The following AFG1L variants were observed in gnomAD, a reference collection of about 807,000 sequenced individuals.
AFG1L encodes the protein AFG1-like ATPase.
A neutral mutation model predicts 62.2 loss-of-function variants in AFG1L; 53 were observed. That is an observed-to-expected ratio of 0.85 (90% CI 0.68 to 1.07). The LOEUF (loss-of-function observed/expected upper bound fraction) is 1.07. Among genes scored for constraint, AFG1L ranks in the 50% least tolerant of loss-of-function variants. AFG1L has a pLI of 0.00. For synonymous variants in AFG1L, 228 were observed against 210.3 expected, an observed-to-expected ratio of 1.08 and a Z score of -0.73; for missense variants, 555 against 590.5, an observed-to-expected ratio of 0.94 and a Z score of 0.62.
chr6:108,398,182 T>C (rs1249087203), intron 6 of AFG1L, among the ~76,000 whole-genome samples: 1 of 152,224 alleles, frequency 6.6e-6, no homozygotes, highest in African/African-American at 2.4e-5. Context: ...GTAGTTTTGA[T>C]TTGCATTTCT....
intron 6 of AFG1L, among the ~76,000 whole-genome samples, chr6:108,375,290 T>G (rs1314048153): frequency 6.6e-6 from 1 of 152,300 alleles, no homozygotes; most frequent in Middle Eastern, 3.4e-3. Context: ...ATAGTTTGAT[T>G]TCTCCTTTTC....
chr6:108,407,663 C>T (rs191720496), intron 7 of AFG1L, among the ~76,000 whole-genome samples: 1 of 148,320 alleles, frequency 6.7e-6, no homozygotes, highest in African/African-American at 2.5e-5. Flanking sequence ...CCAGCCTGGG[C>T]AACAAAGCAA....
chr6:108,404,067 G>A (rs1781748501), intron 7 of AFG1L, among the ~76,000 whole-genome samples: 1 of 152,046 alleles, frequency 6.6e-6, no homozygotes, highest in Admixed American at 6.5e-5. Context: ...ACTAGAGCTG[G>A]TTTCTCTGAA....
chr6:108,525,051 A>G lies in AFG1L; in HGVS notation c.*2626A>G, dbSNP rs1229486980. On this transcript the variant is annotated 3_prime_UTR_variant, in exon 13 of 13. Transcript: ENST00000368977. Reference sequence around the variant, plus strand: ...TCTTTTTTTGAAATGCTTTAAATGTATACTTTGAGACGGAGGTTTGAGCTG... The same window carrying G: ...TCTTTTTTTGAAATGCTTTAAATGTGTACTTTGAGACGGAGGTTTGAGCTG... The G allele has an allele frequency of 6.6e-6, 1 of 152,228 alleles. No individual in the cohort carries two copies. The highest frequency in any genetic ancestry group is 2.4e-5 in the African/African-American group (1 of 41,464). 9.4% of individuals were successfully genotyped at this position (152,228 alleles called of 1,614,324 possible). A position where few individuals can be genotyped will look rare whatever the true frequency, so the allele number is the denominator to read the frequency against.
chr6:108,443,585 C>T (rs1025183944), intron 7 of AFG1L, among the ~76,000 whole-genome samples: 4 of 152,124 alleles, frequency 2.6e-5, no homozygotes, highest in South Asian at 2.1e-4. Flanking sequence ...TTGAAAAATG[C>T]AGTTTTTGAC....
chr6:108,410,220 T>C (rs1272710054), intron 7 of AFG1L, among the ~76,000 whole-genome samples: 1 of 151,896 alleles, frequency 6.6e-6, no homozygotes, highest in Admixed American at 6.6e-5. Context: ...GGCAGGAGAA[T>C]AGCTTGAACC....
intron 7 of AFG1L, among the ~76,000 whole-genome samples, chr6:108,410,656 T>C (rs571712622): frequency 2.0e-5 from 3 of 152,158 alleles, no homozygotes; most frequent in Non-Finnish European, 4.4e-5. Flanking sequence ...TAAATGGAGA[T>C]ATTGTGGTAA....
intron 6 of AFG1L, among the ~76,000 whole-genome samples, chr6:108,401,658 G>C (rs1363219513): frequency 6.6e-6 from 1 of 152,100 alleles, no homozygotes; most frequent in East Asian, 1.9e-4. Flanking sequence ...ATATATTCAA[G>C]TATTAAATGC....
intron 10 of AFG1L, among the ~76,000 whole-genome samples, chr6:108,479,659 C>T (rs1347815206): frequency 1.3e-5 from 2 of 152,204 alleles, no homozygotes; most frequent in African/African-American, 4.8e-5. Flanking sequence ...TGAAATCCCT[C>T]AACTTCAGAT....
chr6:108,355,231 G>T (rs1361506940), intron 3 of AFG1L, among the ~76,000 whole-genome samples: 1 of 151,536 alleles, frequency 6.6e-6, no homozygotes, highest in Non-Finnish European at 1.5e-5. Context: ...ATGAGCCACT[G>T]TGCCCAGCCT....
intron 6 of AFG1L, among the ~76,000 whole-genome samples, chr6:108,386,659 T>C (rs753234326): frequency 1.3e-5 from 2 of 152,200 alleles, no homozygotes; most frequent in Non-Finnish European, 2.9e-5. Context: ...TAGTTTTTTC[T>C]CTTAGTTTCT....
At chr6:108,501,063 C>T (rs1490178171) in intron 10 of AFG1L, among the ~76,000 whole-genome samples, 4 of 151,864 alleles carry the variant, frequency 2.6e-5, no homozygotes, top group South Asian at 2.1e-4. Flanking sequence ...GTGTGATCTC[C>T]GCTCACCGCA....
chr6:108,427,879 A>G (rs1330087063), intron 7 of AFG1L, among the ~76,000 whole-genome samples: 5 of 152,164 alleles, frequency 3.3e-5, no homozygotes, highest in Non-Finnish European at 5.9e-5. Flanking sequence ...GGATTTTGTC[A>G]TATTGCTCTT....
At chr6:108,414,298 A>G (rs1277456897) in intron 7 of AFG1L, among the ~76,000 whole-genome samples, 1 of 152,178 alleles carries the variant, frequency 6.6e-6, no homozygotes, top group African/African-American at 2.4e-5. Context: ...CCAACCCAAA[A>G]AAGTCCAGGA....
Position 108,346,970 on chromosome 6 carries a change from T to C in AFG1L, c.364-18T>C, listed in dbSNP as rs771898205. On this transcript the variant is annotated intron_variant, in intron 2 of 12. Transcript: ENST00000368977. ...TTATTTGCATGGTAGAGATTTATAA[T>C]TTGTTCTTAATTTGCAGCTTTTTTC... The C allele has an allele frequency of 1.9e-6, 3 of 1,592,372 alleles. No individual in the cohort carries two copies. The highest frequency in any genetic ancestry group is 2.2e-5 in the East Asian group (1 of 44,692).
rs936422042 is a variant in AFG1L at position 108,400,626 on chromosome 6, ATAATT to A, written c.749-1367_749-1363del. On this transcript the variant is annotated intron_variant, in intron 6 of 12. Coordinates refer to ENST00000368977, the MANE Select transcript of AFG1L (RefSeq NM_145315.5). ...ATTTATATATAATAATTTATATAAAATAATTTATATAAATTATAATTTATGTATAA... is the reference window on the plus strand; with the variant it reads ...ATTTATATATAATAATTTATATAAAATATATAAATTATAATTTATGTATAA... Among the ~76,000 whole-genome samples the A allele has an allele frequency of 2.3e-5, 3 of 131,814 alleles. No individual in the cohort carries two copies. In the Admixed American group the frequency reaches 2.6e-4, roughly 12 times the overall value. 86.5% of individuals were successfully genotyped at this position (131,814 alleles called of 152,430 possible). A position where few individuals can be genotyped will look rare whatever the true frequency, so the allele number is the denominator to read the frequency against.
At chr6:108,312,644 G>GC (rs1777456132) in intron 1 of AFG1L, among the ~76,000 whole-genome samples, 1 of 152,064 alleles carries the variant, frequency 6.6e-6, no homozygotes, top group African/African-American at 2.4e-5. Flanking sequence ...GAACACATAG[G>GC]CCCCATATTC....
At position 108,503,496 on chromosome 6, in the gene AFG1L, G is replaced by A. The variant is rs759804658; in HGVS notation, c.1063-6716G>A. Among the ~76,000 whole-genome samples the A allele has an allele frequency of 4.0e-4, 61 of 152,126 alleles. 1 individual carries two copies. The highest frequency in any genetic ancestry group is 3.1e-4 in the Non-Finnish European group (21 of 68,018). ...TGAAAGAAGTCTTTTTTTCTGAGCA[G>A]TAGCTCTTAAAGGGGGCTTAAAATA... On this transcript the variant is annotated intron_variant, in intron 10 of 12. Transcript: ENST00000368977.
At chr6:108,461,142 A>T (rs1004023100) in intron 8 of AFG1L, among the ~76,000 whole-genome samples, 3 of 152,244 alleles carry the variant, frequency 2.0e-5, no homozygotes, top group Non-Finnish European at 4.4e-5. Flanking sequence ...AATACAAAGT[A>T]TTCAAACTGA....
Sources: allele counts gnomAD v4.1 joint callset (sites outside exome capture counted in the v4.1 genomes callset), GRCh38; gene constraint gnomAD v4.1.1; transcripts MANE v1.5; gene names NCBI Gene and HGNC (gene_info 2026-07-23, HGNC 2026-07-21).